CPAMD8: variants seen among roughly 807,000 people sequenced by gnomAD.
CPAMD8 encodes the protein C3 and PZP like alpha-2-macroglobulin domain containing 8.
Under a neutral mutation model 224.7 loss-of-function variants are expected in CPAMD8, and 146 were observed. That is an observed-to-expected ratio of 0.65 (90% CI 0.57 to 0.75). The LOEUF is 0.75. Among genes scored for constraint, CPAMD8 ranks in the 30% least tolerant of loss-of-function variants. The pLI is 0.00. For missense variants in CPAMD8, 2,301 were observed against 2,537.5 expected, an observed-to-expected ratio of 0.91 and a Z score of 2.00; for synonymous variants, 966 against 1,044.6, an observed-to-expected ratio of 0.92 and a Z score of 1.45.
chr19:17,024,563 G>A (rs904025830), intron 1 of CPAMD8, among the ~76,000 whole-genome samples: 1 of 152,174 alleles, frequency 6.6e-6, no homozygotes, highest in African/African-American at 2.4e-5. Flanking sequence ...AGGAATACGT[G>A]TTCATTTTGC....
chr19:17,003,325 C>G (rs938768998), intron 8 of CPAMD8, among the ~76,000 whole-genome samples: 1 of 151,926 alleles, frequency 6.6e-6, no homozygotes, highest in South Asian at 2.1e-4. Flanking sequence ...CTCAGCTTCC[C>G]GAGTAGCGGG....
At chr19:16,896,805 G>A (rs2144686318) in intron 39 of CPAMD8, 140 bp from the exon 40 acceptor site, 2 of 493,088 alleles carry the variant, frequency 4.1e-6, no homozygotes, top group East Asian at 3.5e-5. Context: ...CAGTTAATGG[G>A]AGGTCCTGAG....
chr19:16,935,116 G>C (rs1214478672), intron 23 of CPAMD8, among the ~76,000 whole-genome samples: 1 of 152,056 alleles, frequency 6.6e-6, no homozygotes, highest in East Asian at 1.9e-4. Context: ...TTAACTTAAA[G>C]TTTTGCTAAG....
At chr19:17,025,673 T>C (rs894964084) in intron 1 of CPAMD8, among the ~76,000 whole-genome samples, 5 of 151,190 alleles carry the variant, frequency 3.3e-5, no homozygotes, top group Admixed American at 1.3e-4. Context: ...GAGACAAAAA[T>C]CCCCCCCAGG....
chr19:16,911,374 T>C (rs1167652097), intron 29 of CPAMD8, among the ~76,000 whole-genome samples: 1 of 151,814 alleles, frequency 6.6e-6, no homozygotes, highest in East Asian at 1.9e-4. Context: ...TTCTTTTTTT[T>C]TTTTTGAGAC....
In CPAMD8 at chr19:16,925,195, C is replaced by T. The variant is rs2053316114; in HGVS notation, c.3547+1G>A. On this transcript the variant is annotated splice_donor_variant, in intron 26 of 41. Coordinates refer to ENST00000443236, the MANE Select transcript of CPAMD8 (RefSeq NM_015692.5). LOFTEE classifies it high-confidence loss of function. ...CAACCCAGGCACTTCTTCCCCAATA[C>T]CTTGTACTAGGTAGTCGGTGGTCTC... 1 of 1,614,104 alleles carries T rather than the reference C, an allele frequency of 6.2e-7. No individual in the cohort carries two copies. Among genetic ancestry groups the T allele is most frequent in the Non-Finnish European group, 8.5e-7 (1 of 1,179,994 alleles).
intron 23 of CPAMD8, among the ~76,000 whole-genome samples, chr19:16,932,190 GGGTCAA>G (rs1202005983): frequency 2.0e-5 from 3 of 152,190 alleles, no homozygotes; most frequent in Non-Finnish European, 4.4e-5. Context: ...AATACTTTGA[GGGTCAA>G]GGCAGGTGAG....
chr19:16,978,721 G>C (rs952046579), intron 14 of CPAMD8, among the ~76,000 whole-genome samples: 1 of 152,072 alleles, frequency 6.6e-6, no homozygotes, highest in African/African-American at 2.4e-5. Context: ...GCCTAAGAAG[G>C]AGGGATCTTC....
chr19:16,899,697 C>T lies in CPAMD8; in HGVS notation c.4774-148G>A, dbSNP rs1239028583. 4.9e-6 allele frequency: 3 copies of T among 613,574 alleles called. No homozygotes were observed. The Admixed American group carries it at 7.0e-5, about 14-fold the overall frequency. The allele number at this position is 613,574 out of a possible 1,614,324, so 38.0% of individuals were successfully genotyped here. ...GGTGCTGGTCAGTGCTCCCCAGGCC[C>T]TGCCAGCCTCTCAGCACCCAGGAGA... is the stretch of plus-strand genomic sequence containing the variant. On this transcript the variant is annotated intron_variant, in intron 36 of 41. Transcript: ENST00000443236. This position sits in a 1 kb window ranked among gnomAD's most constrained non-coding sequence, Gnocchi z 5.4.
intron 14 of CPAMD8, among the ~76,000 whole-genome samples, chr19:16,979,681 A>G (rs2055437655): frequency 6.6e-6 from 1 of 152,098 alleles, no homozygotes; most frequent in African/African-American, 2.4e-5. Context: ...TATCATCTAT[A>G]GGGCTATTGG....
intron 17 of CPAMD8, among the ~76,000 whole-genome samples, chr19:16,973,442 C>T (rs1274952222): frequency 6.6e-6 from 1 of 152,058 alleles, no homozygotes; most frequent in Non-Finnish European, 1.5e-5. Flanking sequence ...CTCCGCCTCC[C>T]AGTTCCAGAG....
intron 25 of CPAMD8, among the ~76,000 whole-genome samples, chr19:16,927,305 C>CA (rs2053398107): frequency 6.6e-6 from 1 of 152,030 alleles, no homozygotes; most frequent in South Asian, 2.1e-4. Context: ...AGGCGAAAAC[C>CA]CCTTTCACTT....
intron 1 of CPAMD8, among the ~76,000 whole-genome samples, chr19:17,022,987 C>G (rs115295297): frequency 2.0e-5 from 3 of 152,034 alleles, no homozygotes; most frequent in Non-Finnish European, 2.9e-5. Flanking sequence ...AGTCACCAGC[C>G]GCAACAGTGA....
intron 39 of CPAMD8, chr19:16,897,328 T>A: frequency 2.2e-5 from 1 of 45,604 alleles, no homozygotes. Flanking sequence ...CGCACTCACC[T>A]CCCCCTCGCC....
intron 27 of CPAMD8, among the ~76,000 whole-genome samples, chr19:16,919,961 A>G (rs2053106055): frequency 6.6e-6 from 1 of 152,176 alleles, no homozygotes; most frequent in Non-Finnish European, 1.5e-5. Flanking sequence ...TGGTAAGGAA[A>G]CAGGCTCAGA....
chr19:16,896,995 AC>A (rs1335577459), intron 39 of CPAMD8: 3 of 52,488 alleles, frequency 5.7e-5, no homozygotes, highest in Non-Finnish European at 9.5e-5. Flanking sequence ...CCCCAACCCC[AC>A]CCCCACCGCA....
chr19:16,898,117 C>A lies in CPAMD8; in HGVS notation c.4849-123G>T, dbSNP rs1599647155. The stretch of plus-strand genomic sequence containing the variant: ...GCGTGAAACACAGAAGAAACGTGAT[C>A]CCATTTTCTTTTTTTCTTTTACTTT... On this transcript the variant is annotated intron_variant, in intron 37 of 41. Transcript: ENST00000443236. The surrounding 1 kb of genome is among the most constrained non-coding windows in gnomAD (Gnocchi z 4.2). 9 of 632,134 alleles carry A rather than the reference C, an allele frequency of 1.4e-5. No homozygotes were observed. The East Asian group carries it at 2.7e-4, about 19-fold the overall frequency. 39.2% of individuals were successfully genotyped at this position (632,134 alleles called of 1,614,324 possible). A position where few individuals can be genotyped will look rare whatever the true frequency, so the allele number is the denominator to read the frequency against.
At chr19:16,914,146 G>A (rs2052837524) in intron 29 of CPAMD8, among the ~76,000 whole-genome samples, 1 of 152,186 alleles carries the variant, frequency 6.6e-6, no homozygotes, top group South Asian at 2.1e-4. Flanking sequence ...TCTAGGGGCT[G>A]TGGACAGTCA....
chr19:17,023,797 G>C (rs1385649531), intron 1 of CPAMD8, among the ~76,000 whole-genome samples: 2 of 152,054 alleles, frequency 1.3e-5, no homozygotes, highest in Non-Finnish European at 2.9e-5. Flanking sequence ...GGCCAGGCTG[G>C]TCTTGACCTC....
Sources: allele counts gnomAD v4.1 joint callset (sites outside exome capture counted in the v4.1 genomes callset), GRCh38; gene constraint gnomAD v4.1.1; non-coding constraint Gnocchi (gnomAD v3.1); transcripts MANE v1.5; gene names NCBI Gene and HGNC (gene_info 2026-07-23, HGNC 2026-07-21).